Variants in DPP10 observed in about 807,000 individuals in gnomAD.
The protein encoded by DPP10 is dipeptidyl peptidase like 10, also known as inactive dipeptidyl peptidase 10.
In DPP10, 33 loss-of-function variants were observed where a neutral mutation model predicts 120.9. That is an observed-to-expected ratio of 0.27 (90% CI 0.21 to 0.37). DPP10 has a LOEUF of 0.37. Among genes scored for constraint, DPP10 ranks in the 10% least tolerant of loss-of-function variants. The probability of loss-of-function intolerance (pLI) is 1.00; values close to 1 mark genes in which losing one functional copy is unlikely to be tolerated. For synonymous variants in DPP10, 337 were observed against 326.1 expected (o/e 1.03, Z -0.36); for missense variants, 816 against 942.8 (o/e 0.87, Z 1.76).
intron 1 of DPP10, among the ~76,000 whole-genome samples, chr2:115,253,415 G>A (rs995544487): frequency 6.6e-5 from 10 of 152,070 alleles, no homozygotes; most frequent in African/African-American, 2.4e-4. Flanking sequence ...GTCCCCCAAT[G>A]TCTTATTTCA....
chr2:114,617,744 A>C (rs2105315446), intron 1 of DPP10, among the ~76,000 whole-genome samples: 1 of 152,252 alleles, frequency 6.6e-6, no homozygotes, highest in East Asian at 1.9e-4. Flanking sequence ...GAGTAAATTC[A>C]TTCCATTAAA....
At chr2:115,732,634 TA>T (rs1326771288) in intron 8 of DPP10, among the ~76,000 whole-genome samples, 4 of 152,092 alleles carry the variant, frequency 2.6e-5, no homozygotes, top group Non-Finnish European at 5.9e-5. Flanking sequence ...AAAATGTTAC[TA>T]AAAAGAAAGT....
chr2:114,532,485 C>A (rs1242707597), intron 1 of DPP10, among the ~76,000 whole-genome samples: 1 of 151,470 alleles, frequency 6.6e-6, no homozygotes, highest in Non-Finnish European at 1.5e-5. Flanking sequence ...ACTTACCTAC[C>A]CACTACCCAG....
At chr2:115,079,341 G>T (rs1708066293) in intron 1 of DPP10, among the ~76,000 whole-genome samples, 1 of 147,260 alleles carries the variant, frequency 6.8e-6, no homozygotes, top group African/African-American at 2.6e-5. Flanking sequence ...ACTCCAGCCT[G>T]GGCGACAGAG....
At chr2:115,038,960 T>C (rs1311914122) in intron 1 of DPP10, among the ~76,000 whole-genome samples, 1 of 152,154 alleles carries the variant, frequency 6.6e-6, no homozygotes, top group Non-Finnish European at 1.5e-5. Flanking sequence ...GAAAAATTTA[T>C]GGTGAAAATA....
intron 4 of DPP10, among the ~76,000 whole-genome samples, chr2:115,520,317 AAAAAC>A (rs760991097): frequency 4.3e-4 from 66 of 152,122 alleles, no homozygotes; most frequent in Admixed American, 2.7e-3. Context: ...GACTCCATCA[AAAAAC>A]AAAACAAAAC....
At chr2:115,249,247 TA>T (rs2105648977) in intron 1 of DPP10, among the ~76,000 whole-genome samples, 2 of 152,240 alleles carry the variant, frequency 1.3e-5, no homozygotes, top group South Asian at 4.1e-4. Flanking sequence ...CATTAAGCAT[TA>T]TAAGGGGTAA....
intron 8 of DPP10, among the ~76,000 whole-genome samples, chr2:115,730,040 A>T (rs905638241): frequency 6.6e-6 from 1 of 152,136 alleles, no homozygotes; most frequent in Admixed American, 6.5e-5. Context: ...TGGAATTTCA[A>T]TTATTTTCCT....
At chr2:114,933,844 G>A (rs1004408333) in intron 1 of DPP10, among the ~76,000 whole-genome samples, 24 of 152,086 alleles carry the variant, frequency 1.6e-4, no homozygotes, top group African/African-American at 4.8e-4. Flanking sequence ...AATTTTCACC[G>A]CAATAATTCT....
chr2:115,324,548 G>A (rs1360785339), intron 2 of DPP10, among the ~76,000 whole-genome samples: 1 of 152,110 alleles, frequency 6.6e-6, no homozygotes, highest in Non-Finnish European at 1.5e-5. Flanking sequence ...TCACAGAATT[G>A]AAGAGAGTTA....
intron 1 of DPP10, among the ~76,000 whole-genome samples, chr2:115,172,282 G>T (rs2053406661): frequency 6.6e-6 from 1 of 151,948 alleles, no homozygotes; most frequent in African/African-American, 2.4e-5. Context: ...TACTCCGGAG[G>T]CTGAGGCAGG....
chr2:114,843,181 T>C (rs891065460), intron 1 of DPP10, among the ~76,000 whole-genome samples: 10 of 152,084 alleles, frequency 6.6e-5, no homozygotes, highest in African/African-American at 2.4e-4. Flanking sequence ...AGATGAGAAA[T>C]GAACCGAAAA....
At chr2:115,718,409 T>C (rs1405968589) in intron 7 of DPP10, among the ~76,000 whole-genome samples, 2 of 152,350 alleles carry the variant, frequency 1.3e-5, no homozygotes, top group East Asian at 3.9e-4. Context: ...GATAGAAATT[T>C]CATTTTTCTA....
chr2:115,383,018 T>G (rs754913055), intron 3 of DPP10, among the ~76,000 whole-genome samples: 39 of 152,236 alleles, frequency 2.6e-4, no homozygotes, highest in Non-Finnish European at 4.1e-4. Context: ...ATTTTTCAAT[T>G]TCTCATTATC....
chr2:115,680,942 A>G (rs1403718032), intron 5 of DPP10, among the ~76,000 whole-genome samples: 2 of 151,966 alleles, frequency 1.3e-5, no homozygotes, highest in African/African-American at 4.8e-5. Flanking sequence ...ATTACAGCTT[A>G]TGACAGGATA....
chr2:114,743,670 C>G (rs1678285395), intron 1 of DPP10, among the ~76,000 whole-genome samples: 1 of 152,122 alleles, frequency 6.6e-6, no homozygotes, highest in Admixed American at 6.6e-5. Flanking sequence ...TGACTGTTTT[C>G]TCACCTATAA....
chr2:114,530,906 C>G (rs2104733237), intron 1 of DPP10, among the ~76,000 whole-genome samples: 1 of 152,104 alleles, frequency 6.6e-6, no homozygotes, highest in South Asian at 2.1e-4. Flanking sequence ...TACATTTTTA[C>G]ATTATGTGAA....
chr2:114,489,247 A>G (rs1681775842), intron 1 of DPP10, among the ~76,000 whole-genome samples: 1 of 152,152 alleles, frequency 6.6e-6, no homozygotes, highest in South Asian at 2.1e-4. Context: ...CTCTCCAGGA[A>G]GGAGTGTGCA....
At chr2:115,413,291 G>A (rs1319227424) in intron 3 of DPP10, among the ~76,000 whole-genome samples, 1 of 152,138 alleles carries the variant, frequency 6.6e-6, no homozygotes, top group Admixed American at 6.5e-5. Flanking sequence ...TTTTCCTAAG[G>A]TGTTGAAACG....
Sources: gnomAD v4.1 joint callset for allele counts (sites outside exome capture counted in the v4.1 genomes callset) on GRCh38, gnomAD v4.1.1 for gene constraint, MANE v1.5 for transcripts, NCBI Gene and HGNC (gene_info 2026-07-23, HGNC 2026-07-21) for gene names.